The following PLD3 variants were observed in gnomAD, a reference collection of about 807,000 sequenced individuals.
PLD3 encodes 5'-3' exonuclease PLD3.
A neutral mutation model predicts 58.4 loss-of-function variants in PLD3; 31 were observed. The observed-to-expected ratio is 0.53, with a 90% CI of 0.40 to 0.72. The LOEUF (loss-of-function observed/expected upper bound fraction) is 0.72. Among genes scored for constraint, PLD3 ranks in the 30% least tolerant of loss-of-function variants. The probability of loss-of-function intolerance (pLI) is 0.00; values close to 1 mark genes in which losing one functional copy is unlikely to be tolerated. For synonymous variants in PLD3, 264 were observed against 273.4 expected (o/e 0.97, Z 0.34); for missense variants, 595 against 659.8 (o/e 0.90, Z 1.08).
intron 10 of PLD3, chr19:40,374,854 A>T: frequency 1.8e-6 from 1 of 544,798 alleles, no homozygotes; most frequent in South Asian, 2.1e-5. Flanking sequence ...GGTTTGAGGG[A>T]ACAGAGAAAA....
chr19:40,348,736 G>C lies in PLD3; in HGVS notation c.-311G>C, dbSNP rs888016199. Reference sequence around the variant, plus strand: ...ATACAGCCTGGAAGGTGCGTGTGGGGCTGGGTCTCGGAGTGGGAGACGTGG... The same window carrying C: ...ATACAGCCTGGAAGGTGCGTGTGGGCCTGGGTCTCGGAGTGGGAGACGTGG... On this transcript the variant is annotated 5_prime_UTR_variant, in exon 1 of 13. Coordinates refer to ENST00000409735, the MANE Select transcript of PLD3 (RefSeq NM_012268.4). 2.6e-5 allele frequency: 13 copies of C among 502,290 alleles called. No individual in the cohort carries two copies. The highest frequency in any genetic ancestry group is 4.3e-5 in the Non-Finnish European group (13 of 298,896). The allele number at this position is 502,290 out of a possible 1,614,324, so 31.1% of individuals were successfully genotyped here. A position where few individuals can be genotyped will look rare whatever the true frequency, so the allele number is the denominator to read the frequency against.
Position 40,376,614 on chromosome 19 carries a change from G to C in PLD3, c.1025G>C (p.Trp342Ser). 1 of 1,609,642 alleles carries C rather than the reference G, an allele frequency of 6.2e-7. No individual in the cohort carries two copies. Among genetic ancestry groups the C allele is most frequent in the Non-Finnish European group, 8.5e-7 (1 of 1,179,790 alleles). ...TLEFSHPHRF[W>S]PAIDDGLRRA... is the part of the protein sequence containing the mutation. ...TCCTATACACCCGTCCTCAGGTTCT[G>C]GCCTGCCATTGACGATGGGCTGCGG... is the stretch of plus-strand genomic sequence containing the variant. The change falls in exon 11 of 13, where the codon TGG (tryptophan) becomes TCG (serine). Residue 342 changes from tryptophan to serine, a missense_variant. By Grantham distance (177) the Trp-to-Ser change is radical. Coordinates refer to ENST00000409735, the MANE Select transcript of PLD3 (RefSeq NM_012268.4).
Position 40,366,921 on chromosome 19 carries a change from T to G in PLD3, c.245+6T>G. The stretch of plus-strand genomic sequence containing the variant: ...CCCTGCTATGACCCTTGCGAGTAAG[T>G]GGGGGGTGCTGCAGTTGGTGGGGGA... On this transcript the variant is annotated splice_donor_region_variant and intron_variant, in intron 5 of 12. Coordinates refer to ENST00000409735, the MANE Select transcript of PLD3 (RefSeq NM_012268.4). 1.3e-6 allele frequency: 2 copies of G among 1,591,134 alleles called. No individual in the cohort carries two copies. The highest frequency in any genetic ancestry group is 2.2e-5 in the East Asian group (1 of 44,616).
intron 1 of PLD3, among the ~76,000 whole-genome samples, chr19:40,363,233 T>C (rs1045078781): frequency 6.6e-6 from 1 of 152,178 alleles, no homozygotes; most frequent in Non-Finnish European, 1.5e-5. Context: ...TATTCTTCAA[T>C]AAAAATATGT....
rs374085082 is a variant in PLD3, at chr19:40,376,786, C to T, written c.1185+12C>T. On this transcript the variant is annotated intron_variant, in intron 11 of 12. Coordinates refer to ENST00000409735, the MANE Select transcript of PLD3 (RefSeq NM_012268.4). ...CTGACATCCAGGTGGTAAGTACTGC[C>T]CCAAGCCACCCCTTGGCCCCTGTGT... 1.4e-4 allele frequency: 219 copies of T among 1,596,522 alleles called. No homozygotes were observed. Among genetic ancestry groups the T allele is most frequent in the Admixed American group, 3.5e-4 (21 of 59,872 alleles).
chr19:40,372,446 A>G (rs1036769854), intron 9 of PLD3, among the ~76,000 whole-genome samples: 2 of 151,804 alleles, frequency 1.3e-5, no homozygotes, highest in Non-Finnish European at 2.9e-5. Flanking sequence ...GCAGTGAGCC[A>G]TGATCACACC....
chr19:40,377,918 AAGAG>A, intron 12 of PLD3, 33 bp downstream of exon 12: 1 of 1,613,056 alleles, frequency 6.2e-7, no homozygotes, highest in African/African-American at 1.3e-5. Flanking sequence ...GGCGCTGAAG[AAGAG>A]GGGGTTCAGA....
chr19:40,376,793 C>T lies in PLD3; in HGVS notation c.1185+19C>T, dbSNP rs2145706904. On this transcript the variant is annotated intron_variant, in intron 11 of 12. Coordinates refer to ENST00000409735, the MANE Select transcript of PLD3 (RefSeq NM_012268.4). ...CCAGGTGGTAAGTACTGCCCCAAGC[C>T]ACCCCTTGGCCCCTGTGTGGGGCAG... 2.5e-6 allele frequency: 4 copies of T among 1,595,230 alleles called. No homozygotes were observed. Among genetic ancestry groups the T allele is most frequent in the Non-Finnish European group, 2.5e-6 (3 of 1,177,128 alleles).
chr19:40,375,228 G>A (rs2079164381), intron 10 of PLD3, among the ~76,000 whole-genome samples: 1 of 151,960 alleles, frequency 6.6e-6, no homozygotes, highest in Non-Finnish European at 1.5e-5. Context: ...TGAGGCAGGG[G>A]TGCAGGATGT....
Position 40,377,745 on chromosome 19 carries a change from C to G in PLD3, c.1186-41C>G, listed in dbSNP as rs559509906. On this transcript the variant is annotated intron_variant, in intron 11 of 12. Transcript: ENST00000409735. ...TGATCCCGGGGCTCCTCCGACTCCC[C>G]CTGCCTCTCACACTCCTTCCCATCC... The G allele has an allele frequency of 1.8e-5, 27 of 1,488,258 alleles. 1 individual carries two copies. The African/African-American group carries it at 2.8e-4, about 15-fold the overall frequency. The allele number at this position is 1,488,258 out of a possible 1,614,324, so 92.2% of individuals were successfully genotyped here.
chr19:40,367,674 G>A (rs748988838), intron 5 of PLD3, 22 bp from the exon 6 acceptor site: 2 of 1,590,604 alleles, frequency 1.3e-6, no homozygotes, highest in Middle Eastern at 3.4e-4. Flanking sequence ...CCGTATGGCT[G>A]ATAGCATCCC....
chr19:40,358,544 GC>G (rs1276962869), intron 1 of PLD3: 2 of 152,350 alleles, frequency 1.3e-5, no homozygotes, highest in Non-Finnish European at 2.9e-5. Flanking sequence ...GAGCCACCGT[GC>G]CCAGCCGCCT....
chr19:40,367,200 A>G (rs2078947272), intron 5 of PLD3: 1 of 414,214 alleles, frequency 2.4e-6, no homozygotes, highest in South Asian at 5.2e-5. Flanking sequence ...CCACACCTCT[A>G]GACAGACACG....
intron 1 of PLD3, among the ~76,000 whole-genome samples, chr19:40,364,352 T>C (rs2145681131): frequency 6.7e-6 from 1 of 149,680 alleles, no homozygotes; most frequent in South Asian, 2.1e-4. Context: ...AAACTCCGTC[T>C]CAGAAAAAAG....
intron 9 of PLD3, among the ~76,000 whole-genome samples, chr19:40,372,319 T>G (rs2079085132): frequency 6.6e-6 from 1 of 150,618 alleles, no homozygotes; most frequent in East Asian, 1.9e-4. Context: ...AGACTCCATC[T>G]TTACAAACAA....
intron 5 of PLD3, 100 bp from the exon 6 acceptor site, chr19:40,367,596 T>C: frequency 1.1e-6 from 1 of 921,990 alleles, no homozygotes; most frequent in Non-Finnish European, 1.6e-6. Context: ...AAAAAAAAAA[T>C]ACAGTCTATC....
Position 40,366,844 on chromosome 19 carries a change from T to C in PLD3, c.174T>C (p.Phe58=). 6.2e-7 allele frequency: 1 copy of C among 1,614,044 alleles called. No homozygotes were observed. The highest frequency in any genetic ancestry group is 1.1e-5 in the South Asian group (1 of 91,086). Residue 58 remains phenylalanine, a synonymous_variant, in exon 5 of 13, where the codon TTT becomes TTC. Coordinates refer to ENST00000409735, the MANE Select transcript of PLD3 (RefSeq NM_012268.4). ...VGFGALMTQL[F]LWEYGDLHLF... ...TCGGAGCCCTGATGACTCAGCTGTT[T>C]CTATGGGAATACGGCGACTTGCATC...
At chr19:40,362,716 G>A (rs910999444) in intron 1 of PLD3, among the ~76,000 whole-genome samples, 1 of 152,060 alleles carries the variant, frequency 6.6e-6, no homozygotes, top group Non-Finnish European at 1.5e-5. Context: ...GGGATTACAC[G>A]TGTAAACCAC....
At chr19:40,362,534 C>T (rs2078812701) in intron 1 of PLD3, among the ~76,000 whole-genome samples, 1 of 152,212 alleles carries the variant, frequency 6.6e-6, no homozygotes, top group South Asian at 2.1e-4. Flanking sequence ...CTCCCAGATT[C>T]AAGCAATTCT....
Sources: gnomAD v4.1 joint callset for allele counts (sites outside exome capture counted in the v4.1 genomes callset) on GRCh38, gnomAD v4.1.1 for gene constraint, MANE v1.5 for transcripts, NCBI Gene and HGNC (gene_info 2026-07-23, HGNC 2026-07-21) for gene names.